SPATA19: variants seen among roughly 807,000 people sequenced by gnomAD.
The protein encoded by SPATA19 is spermatogenesis-associated protein 19, mitochondrial.
In SPATA19, 19 loss-of-function variants were observed where a neutral mutation model predicts 25.0. The ratio of observed to expected loss-of-function variants is 0.76; its 90% confidence interval spans 0.53 to 1.11. The LOEUF is 1.11. Among genes scored for constraint, SPATA19 ranks in the 50% most tolerant of loss-of-function variants. SPATA19 has a pLI of 0.00. For synonymous variants in SPATA19, 64 were observed against 69.3 expected (o/e 0.92, Z 0.38); for missense variants, 222 against 211.4 (o/e 1.05, Z -0.31).
intron 6 of SPATA19, among the ~76,000 whole-genome samples, 189 bp from the exon 7 acceptor site, chr11:133,841,112 C>G (rs575116213): frequency 6.6e-6 from 1 of 152,224 alleles, no homozygotes; most frequent in East Asian, 1.9e-4. Flanking sequence ...ACCATCACCC[C>G]CAAGACAACC....
chr11:133,838,576 C>T (rs1938247517), downstream of SPATA19, among the ~76,000 whole-genome samples: 1 of 152,100 alleles, frequency 6.6e-6, no homozygotes, highest in Admixed American at 6.5e-5. Context: ...CCATAATAAC[C>T]CTAGAAGAAA....
chr11:133,837,000 T>TAGTGCTTGGATACATTTCA (rs1938224313), downstream of SPATA19, among the ~76,000 whole-genome samples: 1 of 152,220 alleles, frequency 6.6e-6, no homozygotes, highest in African/African-American at 2.4e-5. Context: ...CTGCTTGGCT[T>TAGTGCTTGGATACATTTCA]AGTGCTTGGA....
At chr11:133,838,176 T>C (rs2121171328), downstream of SPATA19, among the ~76,000 whole-genome samples, 1 of 152,254 alleles carries the variant, frequency 6.6e-6, no homozygotes, top group East Asian at 1.9e-4. Flanking sequence ...ATTATTAGAC[T>C]GGGAATTTAA....
At position 133,842,172 on chromosome 11, in the gene SPATA19, A is replaced by G. The variant is rs1313784564; in HGVS notation, c.438-67T>C. 35 of 1,501,500 alleles carry G rather than the reference A, an allele frequency of 2.3e-5. 1 individual carries two copies. In the East Asian group the frequency reaches 7.4e-4, roughly 32 times the overall value. The allele number at this position is 1,501,500 out of a possible 1,614,324, so 93.0% of individuals were successfully genotyped here. On this transcript the variant is annotated intron_variant, in intron 5 of 6. Coordinates refer to ENST00000299140, the MANE Select transcript of SPATA19 (RefSeq NM_174927.3). ...CCTGATAGCAGAGCCTACCCAGACC[A>G]CGGCACAGGGGCTGCGGTGGGAGGG...
chr11:133,839,204 T>TCATGCTG (rs1471415910), downstream of SPATA19, among the ~76,000 whole-genome samples: 6 of 152,142 alleles, frequency 3.9e-5, no homozygotes, highest in Non-Finnish European at 8.8e-5. Context: ...GGATTATAAA[T>TCATGCTG]CATGCTGCTA....
intron 6 of SPATA19, 114 bp downstream of exon 6, chr11:133,841,916 T>TC (rs1938317539): frequency 9.7e-7 from 1 of 1,027,824 alleles, no homozygotes; most frequent in African/African-American, 1.6e-5. Flanking sequence ...TGCAGGCCCT[T>TC]CCCCAGTAGG....
intron 4 of SPATA19, among the ~76,000 whole-genome samples, chr11:133,843,783 T>C (rs1938361320): frequency 6.6e-6 from 1 of 152,174 alleles, no homozygotes; most frequent in African/African-American, 2.4e-5. Flanking sequence ...CGAGAGGCAG[T>C]GGGGACGGCT....
intron 4 of SPATA19, among the ~76,000 whole-genome samples, chr11:133,843,460 A>T (rs1467611863): frequency 6.6e-6 from 1 of 152,208 alleles, no homozygotes; most frequent in Non-Finnish European, 1.5e-5. Context: ...GTCTTCCTAA[A>T]AGGCAGATGC....
chr11:133,838,382 G>A (rs1938245369), downstream of SPATA19, among the ~76,000 whole-genome samples: 1 of 152,172 alleles, frequency 6.6e-6, no homozygotes, highest in Non-Finnish European at 1.5e-5. Flanking sequence ...GCTGAGGAAA[G>A]AATTGGAGTT....
At chr11:133,840,964 T>A (rs1217588329) in intron 6 of SPATA19, 41 bp from the exon 7 acceptor site, 1 of 152,184 alleles carries the variant, frequency 6.6e-6, no homozygotes, top group Non-Finnish European at 1.5e-5. Flanking sequence ...CAGTGGTGCA[T>A]CAGGCAGCTG....
intron 4 of SPATA19, among the ~76,000 whole-genome samples, chr11:133,843,984 C>A (rs1938365322): frequency 6.6e-6 from 1 of 152,190 alleles, no homozygotes; most frequent in Admixed American, 6.5e-5. Flanking sequence ...GCAAAAATAA[C>A]AGAAATCTGA....
Position 133,840,657 on chromosome 11 carries a change from T to G in SPATA19, c.*276A>C, listed in dbSNP as rs1441173976. The G allele has an allele frequency of 1.3e-5, 2 of 152,172 alleles. No individual in the cohort carries two copies. Among genetic ancestry groups the G allele is most frequent in the Non-Finnish European group, 2.9e-5 (2 of 68,042 alleles). 9.4% of individuals were successfully genotyped at this position (152,172 alleles called of 1,614,324 possible). ...GTTGTTAAACAGCACATCTCTTTAT[T>G]CGCAGTTCAGCAAGAAGACTCCAGT... On this transcript the variant is annotated 3_prime_UTR_variant, in exon 7 of 7. Coordinates refer to ENST00000299140, the MANE Select transcript of SPATA19 (RefSeq NM_174927.3).
At chr11:133,838,292 C>A (rs2121171509), downstream of SPATA19, among the ~76,000 whole-genome samples, 1 of 152,156 alleles carries the variant, frequency 6.6e-6, no homozygotes, top group Non-Finnish European at 1.5e-5. Flanking sequence ...GAAAAAAAGT[C>A]TAAAGAAAAT....
chr11:133,844,197 C>A, intron 4 of SPATA19, 49 bp downstream of exon 4: 1 of 1,452,954 alleles, frequency 6.9e-7, no homozygotes. Flanking sequence ...GAGGGGCTTG[C>A]GCATCTCTCC....
downstream of SPATA19, among the ~76,000 whole-genome samples, chr11:133,836,339 G>A (rs1938212083): frequency 6.6e-6 from 1 of 152,154 alleles, no homozygotes; most frequent in Non-Finnish European, 1.5e-5. Context: ...GGAGGGAAAG[G>A]TGGTGGGGAG....
At chr11:133,839,571 C>T (rs1461142379), downstream of SPATA19, among the ~76,000 whole-genome samples, 1 of 151,918 alleles carries the variant, frequency 6.6e-6, no homozygotes, top group African/African-American at 2.4e-5. Flanking sequence ...AGGAGATATA[C>T]TTAATGTTAA....
chr11:133,845,073 C>T (rs1273522931), intron 2 of SPATA19, 61 bp downstream of exon 2: 41 of 1,422,518 alleles, frequency 2.9e-5, no homozygotes, highest in East Asian at 6.8e-5. Context: ...GATCCCCACA[C>T]CCACTGAGAC....
At chr11:133,843,709 T>C (rs986077972) in intron 4 of SPATA19, among the ~76,000 whole-genome samples, 2 of 152,154 alleles carry the variant, frequency 1.3e-5, no homozygotes, top group African/African-American at 4.8e-5. Context: ...GGAAAGCCTC[T>C]GTCTGAAGCA....
At chr11:133,841,713 G>A (rs992244296) in intron 6 of SPATA19, among the ~76,000 whole-genome samples, 3 of 152,184 alleles carry the variant, frequency 2.0e-5, no homozygotes, top group African/African-American at 7.2e-5. Context: ...TTTTAGAAAT[G>A]CAAAATTGCA....
Sources: allele counts gnomAD v4.1 joint callset (sites outside exome capture counted in the v4.1 genomes callset), GRCh38; gene constraint gnomAD v4.1.1; transcripts MANE v1.5; gene names NCBI Gene and HGNC (gene_info 2026-07-23, HGNC 2026-07-21).